The following PIANP variants were observed in gnomAD, a reference collection of about 807,000 sequenced individuals.
The protein encoded by PIANP is PILR alpha-associated neural protein.
A neutral mutation model predicts 28.9 loss-of-function variants in PIANP; 14 were observed. The ratio of observed to expected loss-of-function variants is 0.49; its 90% CI spans 0.32 to 0.76. The LOEUF is 0.76. Among genes scored for constraint, PIANP ranks in the 30% least tolerant of loss-of-function variants. The probability of loss-of-function intolerance (pLI) is 0.03; values close to 1 mark genes in which losing one functional copy is unlikely to be tolerated. For synonymous variants in PIANP, 149 were observed against 156.6 expected (o/e 0.95, Z 0.36); for missense variants, 322 against 371.8 (o/e 0.87, Z 1.10).
Position 6,694,540 on chromosome 12 carries a change from G to T in PIANP, c.*886C>A. On this transcript the variant is annotated 3_prime_UTR_variant, in exon 5 of 5. Transcript: ENST00000534837. The surrounding 1 kb of genome is among the most constrained non-coding windows in gnomAD (Gnocchi z 6.1). ...CGCAGGGGCTGCGGAAACGAGGTGG[G>T]TGGGTGTTCATGAGGGAGAGAGTGA... 1 of 153,084 alleles carries T rather than the reference G, an allele frequency of 6.5e-6. No homozygotes were observed. The highest frequency in any genetic ancestry group is 1.5e-5 in the Non-Finnish European group (1 of 68,466). 9.5% of individuals were successfully genotyped at this position (153,084 alleles called of 1,614,324 possible). A position where few individuals can be genotyped will look rare whatever the true frequency, so the allele number is the denominator to read the frequency against.
Position 6,697,720 on chromosome 12 carries a change from C to T in PIANP, c.90G>A (p.Gln30=), listed in dbSNP as rs867345037. ...LLLLPLPPPA[Q]GSSSSPRTPP... ...GGGTTCGAGGGGAGGATGAAGAGCC[C>T]TGAGCAGGCGGTGGGAGGGGCAGCA... Residue 30 remains glutamine (Q), a synonymous_variant, in exon 3 of 5, where the codon CAG becomes CAA. Transcript: ENST00000534837. The surrounding 1 kb of genome is among the most constrained non-coding windows in gnomAD (Gnocchi z 6.9). 6.4e-7 allele frequency: 1 copy of T among 1,557,822 alleles called. No individual in the cohort carries two copies.
chr12:6,694,748 C>T lies in PIANP; in HGVS notation c.*678G>A, dbSNP rs977484086. ...TATGGACGGGGAGAGGGTGCAGGAG[C>T]GTGTGCAAATGGCCTGTGAAGGTGG... On this transcript the variant is annotated 3_prime_UTR_variant, in exon 5 of 5. Coordinates refer to ENST00000534837, the MANE Select transcript of PIANP (RefSeq NM_001244014.2). This position sits in a 1 kb window ranked among gnomAD's most constrained non-coding sequence, Gnocchi z 6.1. 9 of 423,788 alleles carry T rather than the reference C, an allele frequency of 2.1e-5. No homozygotes were observed. Among genetic ancestry groups the T allele is most frequent in the East Asian group, 1.4e-4 (4 of 28,026 alleles). 26.3% of individuals were successfully genotyped at this position (423,788 alleles called of 1,614,324 possible). A position where few individuals can be genotyped will look rare whatever the true frequency, so the allele number is the denominator to read the frequency against.
At chr12:6,699,532 G>A (rs1216817599) in intron 1 of PIANP, among the ~76,000 whole-genome samples, 2 of 151,982 alleles carry the variant, frequency 1.3e-5, no homozygotes, top group African/African-American at 4.8e-5. Context: ...ATGCCGAAGG[G>A]AGGAAAGGAT....
downstream of PIANP, among the ~76,000 whole-genome samples, chr12:6,693,613 A>T (rs118078062): frequency 0.012 from 1,813 of 152,112 alleles, 18 homozygotes; most frequent in Middle Eastern, 0.044. Flanking sequence ...CCTCGTCAGG[A>T]TGGCTCCCTT....
chr12:6,699,457 T>G (rs542717982), intron 1 of PIANP, among the ~76,000 whole-genome samples: 3 of 151,486 alleles, frequency 2.0e-5, no homozygotes, highest in African/African-American at 7.3e-5. Context: ...GAGCAGGCAG[T>G]CCTGAAAAAG....
chr12:6,697,936 A>G lies in PIANP; in HGVS notation c.17+109T>C. On this transcript the variant is annotated intron_variant, in intron 2 of 4. Coordinates refer to ENST00000534837, the MANE Select transcript of PIANP (RefSeq NM_001244014.2). The surrounding 1 kb of genome is among the most constrained non-coding windows in gnomAD (Gnocchi z 6.9). Reference sequence around the variant, plus strand: ...AGACTCGCCTCATTTCCCATCTTCCAAAGGAGGATGGCCCTCAGGATGGGA... The same window carrying G: ...AGACTCGCCTCATTTCCCATCTTCCGAAGGAGGATGGCCCTCAGGATGGGA... 2 of 1,513,460 alleles carry G rather than the reference A, an allele frequency of 1.3e-6. No individual in the cohort carries two copies. The highest frequency in any genetic ancestry group is 1.8e-6 in the Non-Finnish European group (2 of 1,116,068). 93.8% of individuals were successfully genotyped at this position (1,513,460 alleles called of 1,614,324 possible).
In PIANP at chr12:6,697,184, A is replaced by G; in HGVS notation, c.523+103T>C. ...ATCCTGTGCCAGTATAGTGCCTGAC[A>G]CATTTGTTGAAGGAGCTAACAGACA... On this transcript the variant is annotated intron_variant, in intron 3 of 4. Coordinates refer to ENST00000534837, the MANE Select transcript of PIANP (RefSeq NM_001244014.2). This position sits in a 1 kb window ranked among gnomAD's most constrained non-coding sequence, Gnocchi z 6.9. 1 of 1,488,032 alleles carries G rather than the reference A, an allele frequency of 6.7e-7. No homozygotes were observed. The highest frequency in any genetic ancestry group is 9.0e-7 in the Non-Finnish European group (1 of 1,107,126). 92.2% of individuals were successfully genotyped at this position (1,488,032 alleles called of 1,614,324 possible).
At position 6,697,679 on chromosome 12, in the gene PIANP, C is replaced by T. The variant is rs1177825810; in HGVS notation, c.131G>A (p.Arg44His). Residue 44 changes from arginine (R) to histidine (H), a missense_variant, in exon 3 of 5, where the codon CGC becomes CAC. Coordinates refer to ENST00000534837, the MANE Select transcript of PIANP (RefSeq NM_001244014.2). The surrounding 1 kb of genome is among the most constrained non-coding windows in gnomAD (Gnocchi z 6.9). ...SSPRTPPAPARPPCARGGPSA... is the reference protein window; with the variant it reads ...SSPRTPPAPAHPPCARGGPSA... ...GGGGCCTCCCCTGGCACACGGGGGGCGGGCTGGGGCTGGTGGGGTTCGAGG... is the reference window on the plus strand; with the variant it reads ...GGGGCCTCCCCTGGCACACGGGGGGTGGGCTGGGGCTGGTGGGGTTCGAGG... The T allele has an allele frequency of 1.8e-5, 24 of 1,304,498 alleles. No homozygotes were observed. The highest frequency in any genetic ancestry group is 1.0e-4 in the Admixed American group (4 of 38,884). The allele number at this position is 1,304,498 out of a possible 1,614,324, so 80.8% of individuals were successfully genotyped here.
At position 6,695,246 on chromosome 12, in the gene PIANP, G is replaced by C; in HGVS notation, c.*180C>G. The C allele has an allele frequency of 7.1e-7, 1 of 1,404,924 alleles. No homozygotes were observed. The highest frequency in any genetic ancestry group is 9.3e-7 in the Non-Finnish European group (1 of 1,072,726). The allele number at this position is 1,404,924 out of a possible 1,614,324, so 87.0% of individuals were successfully genotyped here. ...GCAGAGAATAGGACACAGATCCTGA[G>C]AGACTGGGAGAAGGAAGGGTGCCTC... On this transcript the variant is annotated 3_prime_UTR_variant, in exon 5 of 5. Transcript: ENST00000534837. This position sits in a 1 kb window ranked among gnomAD's most constrained non-coding sequence, Gnocchi z 4.2.
rs1034615038 is a variant in PIANP, at chr12:6,694,166, T to C, written c.*1260A>G. On this transcript the variant is annotated 3_prime_UTR_variant, in exon 5 of 5. Coordinates refer to ENST00000534837, the MANE Select transcript of PIANP (RefSeq NM_001244014.2). This position sits in a 1 kb window ranked among gnomAD's most constrained non-coding sequence, Gnocchi z 6.1. ...GGGAGGCTGGGAAGGGAGGACTGGC[T>C]CAGGGGGCTCTGAAGTCCAGAGAAT... The C allele has an allele frequency of 1.3e-5, 2 of 153,818 alleles. No individual in the cohort carries two copies. The highest frequency in any genetic ancestry group is 1.5e-5 in the Non-Finnish European group (1 of 68,444). 9.5% of individuals were successfully genotyped at this position (153,818 alleles called of 1,614,324 possible). A position where few individuals can be genotyped will look rare whatever the true frequency, so the allele number is the denominator to read the frequency against.
rs954416846 is a variant in PIANP at position 6,696,114 on chromosome 12, C to A, written c.605+329G>T. On this transcript the variant is annotated intron_variant, in intron 4 of 4. Coordinates refer to ENST00000534837, the MANE Select transcript of PIANP (RefSeq NM_001244014.2). This position sits in a 1 kb window ranked among gnomAD's most constrained non-coding sequence, Gnocchi z 4.0. ...GAAAGCTCCAGGTTTTCTTGCTCCC[C>A]CCAGGCAACCCTAAGAAGGGCTCTG... Among the ~76,000 whole-genome samples the A allele has an allele frequency of 6.6e-6, 1 of 152,136 alleles. No homozygotes were observed. Among genetic ancestry groups the A allele is most frequent in the Non-Finnish European group, 1.5e-5 (1 of 68,020 alleles).
At position 6,694,730 on chromosome 12, in the gene PIANP, G is replaced by A. The variant is rs11064320; in HGVS notation, c.*696C>T. On this transcript the variant is annotated 3_prime_UTR_variant, in exon 5 of 5. Transcript: ENST00000534837. The surrounding 1 kb of genome is among the most constrained non-coding windows in gnomAD (Gnocchi z 6.1). ...GTCAGCTGAGCGGAGCGGTATGGAC[G>A]GGGAGAGGGTGCAGGAGCGTGTGCA... is the stretch of plus-strand genomic sequence containing the variant. The A allele has an allele frequency of 8.4e-3, 3,058 of 362,074 alleles. 79 individuals carry two copies. Among genetic ancestry groups the A allele is most frequent in the African/African-American group, 0.05 (2,457 of 48,800 alleles). The allele number at this position is 362,074 out of a possible 1,614,324, so 22.4% of individuals were successfully genotyped here.
rs372943783 is a variant in PIANP at position 6,696,472 on chromosome 12, G to A, written c.576C>T (p.Leu192=). Residue 192 remains leucine, a synonymous_variant, in exon 4 of 5, where the codon CTC becomes CTT. Transcript: ENST00000534837. The surrounding 1 kb of genome is among the most constrained non-coding windows in gnomAD (Gnocchi z 4.0). Reference sequence around the variant, plus strand: ...ACTTGAAGATGATGCCAGTGGCCACGAGAACAATGATGATGGAGATGGTAA... The same window carrying A: ...ACTTGAAGATGATGCCAGTGGCCACAAGAACAATGATGATGGAGATGGTAA... ...VTITISIIIV[L]VATGIIFKFC... 2.7e-5 allele frequency: 43 copies of A among 1,601,216 alleles called. No individual in the cohort carries two copies. The highest frequency in any genetic ancestry group is 6.8e-5 in the East Asian group (3 of 44,142).
rs1959801616 is a variant in PIANP, at chr12:6,694,898, T to C, written c.*528A>G. On this transcript the variant is annotated 3_prime_UTR_variant, in exon 5 of 5. Transcript: ENST00000534837. This position sits in a 1 kb window ranked among gnomAD's most constrained non-coding sequence, Gnocchi z 6.1. ...TAGGATTGCCCGTGGGGCTGGGGAG[T>C]GTTCCGGGTGGTGTGCAAGGGGCAG... The C allele has an allele frequency of 9.7e-7, 1 of 1,031,078 alleles. No homozygotes were observed. The highest frequency in any genetic ancestry group is 2.4e-5 in the South Asian group (1 of 41,678). 63.9% of individuals were successfully genotyped at this position (1,031,078 alleles called of 1,614,324 possible).
Position 6,695,818 on chromosome 12 carries a change from A to C in PIANP, c.606-167T>G, listed in dbSNP as rs1052910437. On this transcript the variant is annotated intron_variant, in intron 4 of 4. Transcript: ENST00000534837. The surrounding 1 kb of genome is among the most constrained non-coding windows in gnomAD (Gnocchi z 4.2). ...CTAAATCCCCTGGGACTCTGTGCCC[A>C]TAAAGCCACTTCCCCTGCCCTCTAG... is the stretch of plus-strand genomic sequence containing the variant. Among the ~76,000 whole-genome samples the C allele has an allele frequency of 2.0e-5, 3 of 152,050 alleles. No individual in the cohort carries two copies. The highest frequency in any genetic ancestry group is 2.0e-4 in the Admixed American group (3 of 15,274).
Position 6,698,264 on chromosome 12 carries a change from A to G in PIANP, c.-43-160T>C, listed in dbSNP as rs999052885. 41 of 660,144 alleles carry G rather than the reference A, an allele frequency of 6.2e-5. 1 individual carries two copies. In the Middle Eastern group the frequency reaches 3.7e-3, roughly 60 times the overall value. 40.9% of individuals were successfully genotyped at this position (660,144 alleles called of 1,614,324 possible). On this transcript the variant is annotated intron_variant, in intron 1 of 4. Transcript: ENST00000534837. ...CTGGTTGTTAGCATCCTTTTGGGGG[A>G]AAAACTCCAGCGTGGTTGCCTGACC...
rs1959870140 is a variant in PIANP at position 6,696,567 on chromosome 12, TAGG to T, written c.524-46_524-44del. The T allele has an allele frequency of 6.9e-7, 1 of 1,454,084 alleles. No homozygotes were observed. The allele number at this position is 1,454,084 out of a possible 1,614,324, so 90.1% of individuals were successfully genotyped here. ...AAAGTTTTAGGGAGCCCCGAGGTGG[TAGG>T]AGCCAAGAGGGGCTGGGGGCTGGGC... On this transcript the variant is annotated intron_variant, in intron 3 of 4. Transcript: ENST00000534837. The surrounding 1 kb of genome is among the most constrained non-coding windows in gnomAD (Gnocchi z 4.0).
intron 1 of PIANP, among the ~76,000 whole-genome samples, chr12:6,699,579 A>G (rs188147337): frequency 1.3e-5 from 2 of 151,690 alleles, no homozygotes; most frequent in African/African-American, 4.8e-5. Context: ...GGAGAGGATG[A>G]AGGGGTCACA....
At chr12:6,698,779 C>G (rs1325363965) in intron 1 of PIANP, among the ~76,000 whole-genome samples, 1 of 152,140 alleles carries the variant, frequency 6.6e-6, no homozygotes, top group African/African-American at 2.4e-5. Flanking sequence ...AGGAAGAAAC[C>G]ACCCCCTCAA....
Sources: allele counts gnomAD v4.1 joint callset (sites outside exome capture counted in the v4.1 genomes callset), GRCh38; gene constraint gnomAD v4.1.1; non-coding constraint Gnocchi (gnomAD v3.1); transcripts MANE v1.5; gene names NCBI Gene and HGNC (gene_info 2026-07-23, HGNC 2026-07-21).